CELF2: variants seen among roughly 807,000 people sequenced by gnomAD.
CELF2 encodes the protein CUGBP Elav-like family member 2, also known as CUG triplet repeat RNA-binding protein 2.
Under a neutral mutation model 62.6 loss-of-function variants are expected in CELF2, and 8 were observed. The observed-to-expected ratio is 0.13, with a 90% CI of 0.07 to 0.23. CELF2 has a LOEUF of 0.23. CELF2 is among the 10% of genes least tolerant of loss of function. CELF2 has a pLI of 1.00. For synonymous variants in CELF2, 258 were observed against 250.0 expected (o/e 1.03, Z -0.30); for missense variants, 333 against 671.0 (o/e 0.50, Z 5.56).
the CELF2 span, among the ~76,000 whole-genome samples, chr10:10,547,692 A>AGAGTGTGTGT: frequency 5.1e-5 from 7 of 138,112 alleles, no homozygotes; most frequent in African/African-American, 1.4e-4. Flanking sequence ...AGAGAGAGAG[A>AGAGTGTGTGT]GTGTGTGTGT....
the CELF2 span, among the ~76,000 whole-genome samples, chr10:10,641,686 C>A: frequency 6.6e-6 from 1 of 152,078 alleles, no homozygotes; most frequent in Non-Finnish European, 1.5e-5. Flanking sequence ...TGACCTCAAG[C>A]AATCTGCCCG....
the CELF2 span, among the ~76,000 whole-genome samples, chr10:10,564,822 C>T: frequency 5.9e-5 from 9 of 151,992 alleles, no homozygotes; most frequent in South Asian, 4.2e-4. Context: ...AAATGGAAGG[C>T]ACACTCAAAC....
Position 11,220,065 on chromosome 10 carries a change from C to A in CELF2, c.354+2558C>A, listed in dbSNP as rs2064376316. Among the ~76,000 whole-genome samples the A allele has an allele frequency of 6.6e-6, 1 of 152,160 alleles. No individual in the cohort carries two copies. The highest frequency in any genetic ancestry group is 6.5e-5 in the Admixed American group (1 of 15,280). ...TTTGCCATATGCCTTCAATTTCTTT[C>A]TGAATAAAACTAAAAGTGATAAAGA... On this transcript the variant is annotated intron_variant, in intron 3 of 12. Coordinates refer to ENST00000633077, the MANE Select transcript of CELF2 (RefSeq NM_001326342.2). The surrounding 1 kb of genome is among the most constrained non-coding windows in gnomAD (Gnocchi z 4.4).
the CELF2 span, among the ~76,000 whole-genome samples, chr10:10,486,000 T>C: frequency 6.6e-6 from 1 of 152,206 alleles, no homozygotes; most frequent in Non-Finnish European, 1.5e-5. Context: ...CATTTTCCAA[T>C]GAGTTAATTG....
At chr10:11,036,474 T>TTACTCAATA (rs1564464078) in intron 1 of CELF2, among the ~76,000 whole-genome samples, 1 of 152,234 alleles carries the variant, frequency 6.6e-6, no homozygotes, top group Non-Finnish European at 1.5e-5. Flanking sequence ...AGTCTCAATA[T>TTACTCAATA]TTACCTTTCT....
chr10:10,790,385 A>G, the CELF2 span, among the ~76,000 whole-genome samples: 2 of 152,100 alleles, frequency 1.3e-5, no homozygotes, highest in African/African-American at 2.4e-5. Flanking sequence ...GCTTTGATTT[A>G]TATATGACAA....
the CELF2 span, among the ~76,000 whole-genome samples, chr10:10,719,112 C>G: frequency 3.3e-5 from 5 of 151,292 alleles, no homozygotes; most frequent in Non-Finnish European, 7.4e-5. Context: ...CAGGCATGTA[C>G]CAAGCCCAGC....
At chr10:10,636,657 C>T in the CELF2 span, among the ~76,000 whole-genome samples, 1 of 152,170 alleles carries the variant, frequency 6.6e-6, no homozygotes, top group African/African-American at 2.4e-5. Flanking sequence ...CCCATGGATG[C>T]CCAATAGTCA....
At chr10:10,665,061 G>A in the CELF2 span, among the ~76,000 whole-genome samples, 51 of 152,246 alleles carry the variant, frequency 3.3e-4, no homozygotes, top group South Asian at 0.01. Context: ...GCCTTCTTTG[G>A]TTAAAATTCG....
the CELF2 span, among the ~76,000 whole-genome samples, chr10:10,701,509 G>A: frequency 0.21 from 31,642 of 152,186 alleles, 3,601 homozygotes; most frequent in South Asian, 0.43. Flanking sequence ...CTGTCACAGC[G>A]TCCAAATTAG....
chr10:11,001,294 T>C (rs2054496851), upstream of CELF2, among the ~76,000 whole-genome samples: 1 of 152,214 alleles, frequency 6.6e-6, no homozygotes, highest in Admixed American at 6.5e-5. Flanking sequence ...ATTGTTCTTT[T>C]AGGATTTGAG....
At chr10:10,606,939 G>T in the CELF2 span, among the ~76,000 whole-genome samples, 2 of 152,062 alleles carry the variant, frequency 1.3e-5, no homozygotes, top group Non-Finnish European at 1.5e-5. Context: ...CTGGGGTAAG[G>T]TTACCCTCAC....
chr10:11,160,015 T>A (rs1451064468), intron 1 of CELF2, among the ~76,000 whole-genome samples: 2 of 152,214 alleles, frequency 1.3e-5, no homozygotes, highest in African/African-American at 4.8e-5. Context: ...CTCTCCATAG[T>A]GTCAGTGACA....
At chr10:10,984,075 T>TG (rs755339703) in intron 2 of CELF2, among the ~76,000 whole-genome samples, 1 of 152,214 alleles carries the variant, frequency 6.6e-6, no homozygotes, top group Non-Finnish European at 1.5e-5. Context: ...ATTAAGTGTC[T>TG]ATTATGTGTC....
chr10:10,720,864 A>G, the CELF2 span, among the ~76,000 whole-genome samples: 2 of 152,226 alleles, frequency 1.3e-5, no homozygotes, highest in African/African-American at 4.8e-5. Flanking sequence ...AATTCAGCCT[A>G]TAAAGCACAA....
chr10:10,697,064 G>T, the CELF2 span, among the ~76,000 whole-genome samples: 1 of 151,944 alleles, frequency 6.6e-6, no homozygotes, highest in Non-Finnish European at 1.5e-5. Context: ...AAGATGTTTG[G>T]TAATAACATG....
At chr10:10,900,159 G>A (rs1018979182) in intron 1 of CELF2, among the ~76,000 whole-genome samples, 2 of 152,134 alleles carry the variant, frequency 1.3e-5, no homozygotes, top group South Asian at 4.1e-4. Context: ...TTTAAAAAAA[G>A]AAATGATACC....
intron 1 of CELF2, among the ~76,000 whole-genome samples, chr10:10,844,528 A>C (rs1297365981): frequency 6.6e-6 from 1 of 152,136 alleles, no homozygotes; most frequent in African/African-American, 2.4e-5. Context: ...GGCTTGCTGT[A>C]CTGCCATTTG....
chr10:10,653,935 T>G, the CELF2 span, among the ~76,000 whole-genome samples: 1 of 152,082 alleles, frequency 6.6e-6, no homozygotes, highest in East Asian at 1.9e-4. Context: ...AGGAGCTGGT[T>G]TTTTGAAAGG....
Sources: gnomAD v4.1 joint callset for allele counts (sites outside exome capture counted in the v4.1 genomes callset) on GRCh38, gnomAD v4.1.1 for gene constraint, Gnocchi (gnomAD v3.1) non-coding constraint, MANE v1.5 for transcripts, NCBI Gene and HGNC (gene_info 2026-07-23, HGNC 2026-07-21) for gene names.